SHISAL1: variants seen among roughly 807,000 people sequenced by gnomAD.
The protein encoded by SHISAL1 is shisa like 1.
In SHISAL1, 9 loss-of-function variants were observed where a neutral mutation model predicts 22.6. That is an observed-to-expected ratio of 0.40 (90% CI 0.24 to 0.70). The LOEUF (loss-of-function observed/expected upper bound fraction) is 0.70. Among genes scored for constraint, SHISAL1 ranks in the 30% least tolerant of loss-of-function variants. The probability of loss-of-function intolerance (pLI) is 0.39; values close to 1 mark genes in which losing one functional copy is unlikely to be tolerated. For synonymous variants in SHISAL1, 119 were observed against 115.4 expected (o/e 1.03, Z -0.20); for missense variants, 246 against 270.6 (o/e 0.91, Z 0.64).
chr22:44,279,147 C>A (rs562718354), intron 4 of SHISAL1, among the ~76,000 whole-genome samples: 2 of 152,124 alleles, frequency 1.3e-5, no homozygotes, highest in South Asian at 2.1e-4. Context: ...GGACAGCCTC[C>A]GGGGTTTTAG....
At chr22:44,266,357 G>A (rs2055160943) in intron 4 of SHISAL1, among the ~76,000 whole-genome samples, 1 of 151,708 alleles carries the variant, frequency 6.6e-6, no homozygotes, top group Non-Finnish European at 1.5e-5. Flanking sequence ...ATGGGGATGG[G>A]GAGTGGACGA....
intron 2 of SHISAL1, 114 bp from the exon 3 acceptor site, chr22:44,296,999 G>T: frequency 1.3e-6 from 1 of 796,652 alleles, no homozygotes; most frequent in Non-Finnish European, 2.1e-6. Context: ...CCCTCCCCTG[G>T]ATGCCTTTGT....
chr22:44,301,213 A>G (rs916853664), intron 1 of SHISAL1, among the ~76,000 whole-genome samples: 5 of 152,182 alleles, frequency 3.3e-5, no homozygotes, highest in Non-Finnish European at 1.5e-5. Flanking sequence ...ATGAGACTTA[A>G]TCAAAGGAGG....
At position 44,263,980 on chromosome 22, in the gene SHISAL1, G is replaced by A. The variant is rs115501097; in HGVS notation, c.*-14295C>T. ...GTGTGCATTCACTTCACCAAGAGAC[G>A]TGGATGTGAAGGTTCATAGCAGCTT... On this transcript the variant is annotated intron_variant, in intron 4 of 4. Transcript: ENST00000381176. Among the ~76,000 whole-genome samples the A allele has an allele frequency of 6.7e-3, 1,020 of 152,326 alleles. 9 individuals carry two copies. Among genetic ancestry groups the A allele is most frequent in the African/African-American group, 0.023 (958 of 41,582 alleles).
chr22:44,297,798 C>G (rs2055397809), intron 2 of SHISAL1, among the ~76,000 whole-genome samples: 1 of 152,278 alleles, frequency 6.6e-6, no homozygotes, highest in Non-Finnish European at 1.5e-5. Flanking sequence ...ATCGCTGTAT[C>G]TAATTTGTAT....
intron 4 of SHISAL1, among the ~76,000 whole-genome samples, chr22:44,275,385 C>T (rs1256943614): frequency 6.6e-6 from 1 of 152,242 alleles, no homozygotes; most frequent in Non-Finnish European, 1.5e-5. Context: ...CGCGAAGGGG[C>T]CGACGGCGGA....
chr22:44,301,252 G>A (rs889680423), intron 1 of SHISAL1, among the ~76,000 whole-genome samples: 8 of 152,204 alleles, frequency 5.3e-5, no homozygotes, highest in Non-Finnish European at 1.0e-4. Flanking sequence ...GGAAATGACC[G>A]GCCGGCAGAG....
chr22:44,293,459 C>T (rs910111564), intron 3 of SHISAL1, among the ~76,000 whole-genome samples: 9 of 152,130 alleles, frequency 5.9e-5, no homozygotes, highest in Admixed American at 3.9e-4. Context: ...CATCGGGATG[C>T]GACTAAACAT....
chr22:44,286,012 G>A (rs959062816), intron 3 of SHISAL1, among the ~76,000 whole-genome samples: 1 of 152,202 alleles, frequency 6.6e-6, no homozygotes, highest in African/African-American at 2.4e-5. Flanking sequence ...ATCCCTGAGG[G>A]TCCCACAGAG....
intron 1 of SHISAL1, among the ~76,000 whole-genome samples, chr22:44,303,773 T>A (rs1438441730): frequency 6.6e-6 from 1 of 152,130 alleles, no homozygotes; most frequent in Non-Finnish European, 1.5e-5. Flanking sequence ...GGGGGCAGGG[T>A]CTGATGTGAG....
At chr22:44,300,046 C>T (rs1982942046) in intron 2 of SHISAL1, among the ~76,000 whole-genome samples, 1 of 148,140 alleles carries the variant, frequency 6.8e-6, no homozygotes, top group Admixed American at 6.7e-5. Context: ...CAGAAAGAGA[C>T]AGAGAGACAG....
chr22:44,269,641 AAAC>A (rs200054430), intron 4 of SHISAL1, among the ~76,000 whole-genome samples: 7,393 of 150,354 alleles, frequency 0.049, 613 homozygotes, highest in African/African-American at 0.17. Context: ...CACATGCCAC[AAAC>A]AACACACACA....
rs2055020916 is a variant in SHISAL1, at chr22:44,248,312, T to TTGATCAA, written c.*1366_*1372dup. 6.6e-6 allele frequency: 1 copy of TTGATCAA among 152,238 alleles called. No individual in the cohort carries two copies. The highest frequency in any genetic ancestry group is 2.4e-5 in the African/African-American group (1 of 41,448). The allele number at this position is 152,238 out of a possible 1,614,324, so 9.4% of individuals were successfully genotyped here. ...GAAACTGCGTCAGAGGACACACACA[T>TTGATCAA]TGATCAAGCAGGGCCTCCCGAGCTA... On this transcript the variant is annotated 3_prime_UTR_variant, in exon 5 of 5. Coordinates refer to ENST00000381176, the MANE Select transcript of SHISAL1 (RefSeq NM_001099294.2).
chr22:44,285,654 A>G lies in SHISAL1; in HGVS notation c.373T>C (p.Tyr125His). Residue 125 changes from tyrosine to histidine, a missense_variant, in exon 4 of 5, where the codon TAC (tyrosine) becomes CAC (histidine). Physicochemically the swap from Tyr to His is moderately conservative, Grantham distance 83. Around this residue, in one of 2 missense-constraint regions of SHISAL1, gnomAD observed 136 missense variants for 117.5 expected, o/e 1.16. Coordinates refer to ENST00000381176, the MANE Select transcript of SHISAL1 (RefSeq NM_001099294.2). ...LDLLYYSAMNYDICKVYLARW... is the reference protein window; with the variant it reads ...LDLLYYSAMNHDICKVYLARW... ...GCCAGGTAGACCTTGCAGATGTCGT[A>G]GTTCATTGCCGAGTAATACAAAAGG... is the stretch of plus-strand genomic sequence containing the variant. 6.2e-7 allele frequency: 1 copy of G among 1,614,220 alleles called. No individual in the cohort carries two copies. Among genetic ancestry groups the G allele is most frequent in the East Asian group, 2.2e-5 (1 of 44,884 alleles).
chr22:44,263,679 G>A (rs960046916), intron 4 of SHISAL1, among the ~76,000 whole-genome samples: 8 of 152,216 alleles, frequency 5.3e-5, no homozygotes, highest in African/African-American at 1.9e-4. Context: ...CATGGGAGCA[G>A]AGGTTGGAGA....
chr22:44,256,686 A>T (rs1472034558), intron 4 of SHISAL1, among the ~76,000 whole-genome samples: 1 of 152,166 alleles, frequency 6.6e-6, no homozygotes, highest in Non-Finnish European at 1.5e-5. Flanking sequence ...TCTCCATAAA[A>T]GCAGGCTTGT....
At chr22:44,312,457 G>T (rs547215632) in intron 1 of SHISAL1, among the ~76,000 whole-genome samples, 2 of 152,082 alleles carry the variant, frequency 1.3e-5, no homozygotes, top group Non-Finnish European at 2.9e-5. Flanking sequence ...GCACAGAGAC[G>T]GTCAGCAACT....
chr22:44,277,196 C>G (rs2055245699), intron 4 of SHISAL1, among the ~76,000 whole-genome samples: 1 of 152,196 alleles, frequency 6.6e-6, no homozygotes, highest in African/African-American at 2.4e-5. Flanking sequence ...GTGGGGAAGG[C>G]TCACGGACGC....
At chr22:44,317,238 C>T (rs1301960269), upstream of SHISAL1, among the ~76,000 whole-genome samples, 1 of 152,202 alleles carries the variant, frequency 6.6e-6, no homozygotes, top group Non-Finnish European at 1.5e-5. Context: ...AGAGCCGGGC[C>T]AGGATGGAAG....
Sources: allele counts gnomAD v4.1 joint callset (sites outside exome capture counted in the v4.1 genomes callset), GRCh38; gene constraint gnomAD v4.1.1; regional missense constraint gnomAD v4.1.1; transcripts MANE v1.5; gene names NCBI Gene and HGNC (gene_info 2026-07-23, HGNC 2026-07-21).